Variants in NPR3 observed in about 807,000 individuals in gnomAD.
NPR3 encodes the protein natriuretic peptide receptor 3, also known as atrial natriuretic peptide receptor 3.
A neutral mutation model predicts 54.5 loss-of-function variants in NPR3; 34 were observed. The observed-to-expected ratio is 0.62, with a 90% CI of 0.47 to 0.83. NPR3 has a LOEUF of 0.83. Among genes scored for constraint, NPR3 ranks in the 40% least tolerant of loss-of-function variants. The probability of loss-of-function intolerance (pLI) is 0.00; values close to 1 mark genes in which losing one functional copy is unlikely to be tolerated. For synonymous variants in NPR3, 289 were observed against 297.1 expected (o/e 0.97, Z 0.28); for missense variants, 674 against 720.8 (o/e 0.94, Z 0.74).
chr5:32,709,530 T>C (rs1053511724), upstream of NPR3: 1 of 152,032 alleles, frequency 6.6e-6, no homozygotes, highest in East Asian at 1.9e-4. Context: ...ACCCTGTTTG[T>C]GGAATTAAAT....
At chr5:32,755,042 A>G (rs1740764530) in intron 3 of NPR3, among the ~76,000 whole-genome samples, 1 of 152,026 alleles carries the variant, frequency 6.6e-6, no homozygotes, top group African/African-American at 2.4e-5. Flanking sequence ...TTGTATTTTT[A>G]GTAGAGATGG....
intron 3 of NPR3, among the ~76,000 whole-genome samples, chr5:32,758,301 G>A (rs1038789990): frequency 6.6e-6 from 1 of 152,048 alleles, no homozygotes; most frequent in Admixed American, 6.6e-5. Flanking sequence ...GTCTATTCAG[G>A]GATTCAAATT....
intron 2 of NPR3, among the ~76,000 whole-genome samples, chr5:32,736,627 T>G (rs938321279): frequency 2.0e-5 from 3 of 152,208 alleles, no homozygotes; most frequent in African/African-American, 7.2e-5. Flanking sequence ...TTCTTAGAAT[T>G]TGGGGTCTTC....
chr5:32,726,073 T>C (rs1739123050), intron 2 of NPR3, among the ~76,000 whole-genome samples: 1 of 152,178 alleles, frequency 6.6e-6, no homozygotes, highest in Non-Finnish European at 1.5e-5. Context: ...CTACAGAACA[T>C]TTTCTCAAAC....
chr5:32,767,924 G>A (rs533650329), intron 3 of NPR3, among the ~76,000 whole-genome samples: 1 of 152,252 alleles, frequency 6.6e-6, no homozygotes, highest in East Asian at 1.9e-4. Context: ...GATTTTGGAC[G>A]ATCAGAAGTA....
Position 32,750,343 on chromosome 5 carries a change from T to C in NPR3, c.1059+11313T>C, listed in dbSNP as rs1740514450. On this transcript the variant is annotated intron_variant, in intron 3 of 7. Transcript: ENST00000265074. ...TAGAGACAGGGTTTCACCATGTCGG[T>C]CAGGCTTGTCTCCAACTCCCGACCT... Among the ~76,000 whole-genome samples the C allele has an allele frequency of 2.6e-5, 4 of 151,982 alleles. No homozygotes were observed. In the South Asian group the frequency reaches 6.2e-4, roughly 24 times the overall value.
chr5:32,730,606 A>T (rs1044674622), intron 2 of NPR3, among the ~76,000 whole-genome samples: 1 of 152,216 alleles, frequency 6.6e-6, no homozygotes, highest in Non-Finnish European at 1.5e-5. Context: ...CTTAAAGCTA[A>T]TTAATGAGTT....
rs765931190 is a variant in NPR3 at position 32,712,167 on chromosome 5, A to C, written c.391A>C (p.Ile131Leu). The C allele has an allele frequency of 6.2e-7, 1 of 1,613,202 alleles. No individual in the cohort carries two copies. The highest frequency in any genetic ancestry group is 8.5e-7 in the Non-Finnish European group (1 of 1,179,756). The change falls in exon 1 of 8, where the codon ATC becomes CTC. Residue 131 changes from isoleucine (I) to leucine (L), a missense_variant. Transcript: ENST00000265074. ...GGCGCGGGGCGCCAAGCCAGACCTTATCCTGGGGCCAGTGTGCGAGTATGC... is the reference window on the plus strand; with the variant it reads ...GGCGCGGGGCGCCAAGCCAGACCTTCTCCTGGGGCCAGTGTGCGAGTATGC... ...AAARGAKPDLILGPVCEYAAA... is the reference protein window; with the variant it reads ...AAARGAKPDLLLGPVCEYAAA...
At chr5:32,710,705 C>G (rs2111833207), upstream of NPR3, 1 of 1,547,076 alleles carries the variant, frequency 6.5e-7, no homozygotes, top group South Asian at 1.2e-5. Flanking sequence ...GTTCCCTGAC[C>G]TTGCGCCGAG....
intron 3 of NPR3, among the ~76,000 whole-genome samples, chr5:32,751,389 A>T (rs1485860476): frequency 6.6e-6 from 1 of 152,204 alleles, no homozygotes; most frequent in Non-Finnish European, 1.5e-5. Context: ...ACTCTGTAGC[A>T]ATCTCCATTG....
chr5:32,729,264 C>T (rs1739336814), intron 2 of NPR3, among the ~76,000 whole-genome samples: 1 of 151,854 alleles, frequency 6.6e-6, no homozygotes, highest in Non-Finnish European at 1.5e-5. Flanking sequence ...CTCCTGACCT[C>T]GTGATCCGCC....
In NPR3 at chr5:32,712,026, G is replaced by A; in HGVS notation, c.250G>A (p.Glu84Lys). 1 of 1,613,788 alleles carries A rather than the reference G, an allele frequency of 6.2e-7. No individual in the cohort carries two copies. The highest frequency in any genetic ancestry group is 1.7e-5 in the Admixed American group (1 of 59,998). Reference sequence around the variant, plus strand: ...CATCGAGTATGCTCTGCGCAGCGTGGAGGGCAACGGGACTGGGAGGCGGCT... The same window carrying A: ...CATCGAGTATGCTCTGCGCAGCGTGAAGGGCAACGGGACTGGGAGGCGGCT... ...PAIEYALRSV[E>K]GNGTGRRLLP... Residue 84 changes from glutamate (E) to lysine (K), a missense_variant, in exon 1 of 8, where the codon GAG (glutamate) becomes AAG (lysine). Physicochemically the swap from Glu to Lys is moderately conservative, Grantham distance 56. Coordinates refer to ENST00000265074, the MANE Select transcript of NPR3 (RefSeq NM_001204375.2).
At chr5:32,729,674 G>A (rs1214916907) in intron 2 of NPR3, among the ~76,000 whole-genome samples, 1 of 152,140 alleles carries the variant, frequency 6.6e-6, no homozygotes. Context: ...ACTGTACTGA[G>A]TACTGTAGGC....
chr5:32,732,103 C>T (rs539804362), intron 2 of NPR3, among the ~76,000 whole-genome samples: 15 of 151,696 alleles, frequency 9.9e-5, no homozygotes, highest in African/African-American at 3.6e-4. Context: ...TAGCCGGGCA[C>T]GGTGGCGGGC....
In NPR3 at chr5:32,724,759, T is replaced by C; in HGVS notation, c.831T>C (p.His277=). 6.2e-7 allele frequency: 1 copy of C among 1,613,964 alleles called. No homozygotes were observed. Among genetic ancestry groups the C allele is most frequent in the South Asian group, 1.1e-5 (1 of 91,078 alleles). The part of the protein sequence containing the change: ...IRSIMLVAHR[H]GMTSGDYAFF... ...GCATCATGCTGGTGGCGCACAGGCATGGCATGACCAGTGGAGACTACGCCT... is the reference window on the plus strand; with the variant it reads ...GCATCATGCTGGTGGCGCACAGGCACGGCATGACCAGTGGAGACTACGCCT... Residue 277 remains histidine, a synonymous_variant, in exon 2 of 8, where the codon CAT becomes CAC. Coordinates refer to ENST00000265074, the MANE Select transcript of NPR3 (RefSeq NM_001204375.2).
chr5:32,786,156 T>G, intron 7 of NPR3, 78 bp from the exon 8 acceptor site: 1 of 659,552 alleles, frequency 1.5e-6, no homozygotes, highest in East Asian at 2.9e-5. Context: ...AGATGTCCCT[T>G]GAGGGCACTC....
intron 1 of NPR3, among the ~76,000 whole-genome samples, chr5:32,718,923 T>C (rs1435039345): frequency 6.6e-6 from 1 of 152,210 alleles, no homozygotes; most frequent in East Asian, 1.9e-4. Flanking sequence ...CCTTGTCTTG[T>C]GCCAGTTTTC....
At chr5:32,731,178 C>T (rs1011984068) in intron 2 of NPR3, among the ~76,000 whole-genome samples, 15 of 152,222 alleles carry the variant, frequency 9.9e-5, no homozygotes, top group African/African-American at 3.1e-4. Context: ...CTTTTTAACA[C>T]TTCCTTTCCT....
intron 1 of NPR3, among the ~76,000 whole-genome samples, chr5:32,693,344 C>G (rs909832142): frequency 6.6e-6 from 1 of 151,812 alleles, no homozygotes; most frequent in African/African-American, 2.4e-5. Flanking sequence ...CTTATAAATT[C>G]TGTAAACTTT....
Sources: allele counts gnomAD v4.1 joint callset (sites outside exome capture counted in the v4.1 genomes callset), GRCh38; gene constraint gnomAD v4.1.1; transcripts MANE v1.5; gene names NCBI Gene and HGNC (gene_info 2026-07-23, HGNC 2026-07-21).